The following SSBP2 variants were observed in gnomAD, a reference collection of about 807,000 sequenced individuals.
The protein encoded by SSBP2 is single stranded DNA binding protein 2.
SSBP2 carries 17 observed loss-of-function variants against 61.8 expected under a neutral mutation model. That is an observed-to-expected ratio of 0.28 (90% CI 0.19 to 0.41). The LOEUF (loss-of-function observed/expected upper bound fraction) is 0.41, where lower values mean the gene tolerates loss of function less well. Ranked by LOEUF, SSBP2 falls within the 10% of genes least tolerant of loss-of-function variation. The pLI, the probability that SSBP2 is intolerant of heterozygous loss-of-function variation, is 1.00. For synonymous variants in SSBP2, 139 were observed against 141.3 expected, an observed-to-expected ratio of 0.98 and a Z score of 0.12; for missense variants, 310 against 458.7, an observed-to-expected ratio of 0.68 and a Z score of 2.96.
chr5:81,597,741 A>C (rs1743920992), intron 4 of SSBP2, among the ~76,000 whole-genome samples: 1 of 151,700 alleles, frequency 6.6e-6, no homozygotes, highest in African/African-American at 2.4e-5. Context: ...CATCATTCTC[A>C]GCAAACTATC....
chr5:81,665,753 C>T (rs944702622), intron 1 of SSBP2, among the ~76,000 whole-genome samples: 2 of 152,214 alleles, frequency 1.3e-5, no homozygotes. Flanking sequence ...GATCTACCCG[C>T]CTTGGCCTCC....
chr5:81,458,398 T>C (rs1012078235), intron 10 of SSBP2, among the ~76,000 whole-genome samples: 16 of 152,228 alleles, frequency 1.1e-4, no homozygotes, highest in Non-Finnish European at 7.3e-5. Context: ...TCAGGAAATT[T>C]AAACAGTTTA....
At chr5:81,522,722 A>G (rs895207095) in intron 4 of SSBP2, among the ~76,000 whole-genome samples, 7 of 152,120 alleles carry the variant, frequency 4.6e-5, no homozygotes, top group Non-Finnish European at 5.9e-5. Flanking sequence ...TTGTTTGCAC[A>G]GGGACACAAA....
intron 4 of SSBP2, among the ~76,000 whole-genome samples, chr5:81,608,775 G>C (rs1745137437): frequency 6.6e-6 from 1 of 152,090 alleles, no homozygotes; most frequent in Admixed American, 6.5e-5. Context: ...TCTAGAATGG[G>C]GGTGGGGGTT....
rs529756325 is a variant in SSBP2, at chr5:81,510,629, C to T, written c.372+2999G>A. 1.1e-4 allele frequency among the ~76,000 whole-genome samples: 17 copies of T among 152,126 alleles called. No homozygotes were observed. In the South Asian group the frequency reaches 2.3e-3, roughly 20 times the overall value. On this transcript the variant is annotated intron_variant, in intron 5 of 16. Coordinates refer to ENST00000320672, the MANE Select transcript of SSBP2 (RefSeq NM_012446.5). The stretch of plus-strand genomic sequence containing the variant: ...TACAAAAATTAGCCGGGCGTGGTGG[C>T]ACATGCCTGTAATCCCAGCTACTCA...
chr5:81,638,004 C>T (rs1748398898), intron 2 of SSBP2, among the ~76,000 whole-genome samples: 1 of 148,702 alleles, frequency 6.7e-6, no homozygotes, highest in African/African-American at 2.5e-5. Flanking sequence ...TTCGCAAGAA[C>T]AAAAAACCAA....
chr5:81,585,860 A>G (rs1461068571), intron 4 of SSBP2, among the ~76,000 whole-genome samples: 2 of 151,980 alleles, frequency 1.3e-5, no homozygotes, highest in African/African-American at 4.8e-5. Flanking sequence ...CTCCATTTCT[A>G]TGAGTTCATT....
chr5:81,521,603 ATC>A (rs990952809), intron 4 of SSBP2, among the ~76,000 whole-genome samples: 1 of 151,980 alleles, frequency 6.6e-6, no homozygotes, highest in Non-Finnish European at 1.5e-5. Context: ...TTGGGATATC[ATC>A]TGTTTTTATC....
chr5:81,470,079 C>G (rs1765151342), intron 8 of SSBP2, among the ~76,000 whole-genome samples: 1 of 151,836 alleles, frequency 6.6e-6, no homozygotes, highest in Non-Finnish European at 1.5e-5. Flanking sequence ...TACATGAGAG[C>G]CTATCATACA....
intron 1 of SSBP2, among the ~76,000 whole-genome samples, chr5:81,652,681 G>T (rs1038460469): frequency 7.2e-4 from 109 of 152,112 alleles, no homozygotes; most frequent in African/African-American, 2.5e-3. Flanking sequence ...GGGTGTCAGG[G>T]AGCAATGCAT....
At chr5:81,439,245 T>C (rs939652872) in intron 14 of SSBP2, among the ~76,000 whole-genome samples, 3 of 151,994 alleles carry the variant, frequency 2.0e-5, no homozygotes, top group Admixed American at 2.0e-4. Context: ...AAAAAAAAAA[T>C]CATAACTCCC....
At chr5:81,699,522 ACTC>A (rs1753817744) in intron 1 of SSBP2, among the ~76,000 whole-genome samples, 1 of 152,136 alleles carries the variant, frequency 6.6e-6, no homozygotes, top group Non-Finnish European at 1.5e-5. Flanking sequence ...ATAAGAAATA[ACTC>A]CTCATCCATT....
At chr5:81,646,977 C>A (rs1749330981) in intron 2 of SSBP2, among the ~76,000 whole-genome samples, 1 of 152,038 alleles carries the variant, frequency 6.6e-6, no homozygotes. Flanking sequence ...TACTGTAGAA[C>A]ATAAAATGTG....
At chr5:81,705,205 T>C (rs1214873605) in intron 1 of SSBP2, among the ~76,000 whole-genome samples, 1 of 152,182 alleles carries the variant, frequency 6.6e-6, no homozygotes, top group South Asian at 2.1e-4. Flanking sequence ...CTCTTGTGCA[T>C]AGTGATAGGG....
intron 1 of SSBP2, among the ~76,000 whole-genome samples, chr5:81,683,039 C>G (rs370549314): frequency 6.7e-6 from 1 of 149,892 alleles, no homozygotes; most frequent in African/African-American, 2.4e-5. Context: ...AGAGCGATAC[C>G]ATGTTCATGG....
At chr5:81,661,518 T>C (rs897366963) in intron 1 of SSBP2, among the ~76,000 whole-genome samples, 16 of 45,114 alleles carry the variant, frequency 3.5e-4, no homozygotes, top group African/African-American at 2.6e-3. Flanking sequence ...ACTTCTCTCT[T>C]TTTTTTTTTA....
At chr5:81,720,991 T>C (rs1057424700) in intron 1 of SSBP2, among the ~76,000 whole-genome samples, 7 of 152,086 alleles carry the variant, frequency 4.6e-5, no homozygotes, top group Non-Finnish European at 7.4e-5. Context: ...TGCTAGGTAA[T>C]ACAATCAACA....
intron 4 of SSBP2, among the ~76,000 whole-genome samples, chr5:81,542,436 T>C (rs1279067947): frequency 3.3e-5 from 5 of 152,164 alleles, no homozygotes; most frequent in African/African-American, 1.2e-4. Flanking sequence ...TAAATCATTC[T>C]ATCAAAAAGA....
chr5:81,437,293 C>T, intron 15 of SSBP2, 137 bp downstream of exon 15: 1 of 775,646 alleles, frequency 1.3e-6, no homozygotes, highest in Non-Finnish European at 2.2e-6. Flanking sequence ...TTCTTAACTT[C>T]CAATTAATTA....
Sources: allele counts gnomAD v4.1 joint callset (sites outside exome capture counted in the v4.1 genomes callset), GRCh38; gene constraint gnomAD v4.1.1; transcripts MANE v1.5; gene names NCBI Gene and HGNC (gene_info 2026-07-23, HGNC 2026-07-21).